Variants in CDH13 observed in about 807,000 individuals in gnomAD.
The protein encoded by CDH13 is cadherin-13.
A neutral mutation model predicts 63.8 loss-of-function variants in CDH13; 24 were observed. That is an observed-to-expected ratio of 0.38 (90% confidence interval 0.27 to 0.53). CDH13 has a LOEUF of 0.53. Ranked by LOEUF, CDH13 falls within the 20% of genes least tolerant of loss-of-function variation. CDH13 has a pLI of 0.85. For missense variants in CDH13, 1,049 were observed against 903.1 expected (o/e 1.16, Z -2.07); for synonymous variants, 503 against 355.3 (o/e 1.42, Z -4.67).
chr16:83,768,322 G>C (rs1289571771), intron 11 of CDH13, among the ~76,000 whole-genome samples: 2 of 152,038 alleles, frequency 1.3e-5, no homozygotes, highest in African/African-American at 4.8e-5. Context: ...TTTGGTCAAG[G>C]TTTTTCATGA....
At chr16:82,889,900 A>G (rs566374754) in intron 2 of CDH13, among the ~76,000 whole-genome samples, 1 of 152,338 alleles carries the variant, frequency 6.6e-6, no homozygotes, top group African/African-American at 2.4e-5. Flanking sequence ...TCAAGAGAGT[A>G]TAGACTCTTC....
At position 83,791,578 on chromosome 16, in the gene CDH13, CGA is replaced by C. The variant is rs1916266568; in HGVS notation, c.2135-3443_2135-3442del. Among the ~76,000 whole-genome samples the C allele has an allele frequency of 2.6e-5, 4 of 151,798 alleles. No homozygotes were observed. In the South Asian group the frequency reaches 8.3e-4, roughly 32 times the overall value. ...CTGTAATCCCAGCACTTTGGGAGGCCGAGGTGGGCGGATCACAAGGTCAGGAG... is the reference window on the plus strand; with the variant it reads ...CTGTAATCCCAGCACTTTGGGAGGCCGGTGGGCGGATCACAAGGTCAGGAG... On this transcript the variant is annotated intron_variant, in intron 13 of 13. Coordinates refer to ENST00000567109, the MANE Select transcript of CDH13 (RefSeq NM_001257.5).
intron 10 of CDH13, among the ~76,000 whole-genome samples, chr16:83,715,090 T>A (rs142473879): frequency 6.6e-6 from 1 of 152,256 alleles, no homozygotes; most frequent in East Asian, 1.9e-4. Context: ...TCTTCATTCG[T>A]TCATGCATGC....
intron 1 of CDH13, among the ~76,000 whole-genome samples, chr16:82,833,897 T>C (rs942680162): frequency 2.6e-5 from 4 of 152,198 alleles, no homozygotes; most frequent in Admixed American, 2.0e-4. Context: ...AGCAGATGCA[T>C]AATAATGCTA....
intron 2 of CDH13, among the ~76,000 whole-genome samples, chr16:82,993,632 A>G (rs1480485031): frequency 6.6e-6 from 1 of 152,200 alleles, no homozygotes; most frequent in Non-Finnish European, 1.5e-5. Flanking sequence ...GACATGTTAT[A>G]TCAGACTGTG....
intron 11 of CDH13, among the ~76,000 whole-genome samples, chr16:83,776,048 C>T (rs1375783388): frequency 6.6e-6 from 1 of 152,144 alleles, no homozygotes; most frequent in African/African-American, 2.4e-5. Context: ...GGCTCTTTCC[C>T]TCAGGATTTT....
At chr16:83,219,261 G>T (rs1236335883) in intron 5 of CDH13, among the ~76,000 whole-genome samples, 1 of 152,150 alleles carries the variant, frequency 6.6e-6, no homozygotes, top group African/African-American at 2.4e-5. Flanking sequence ...ACTAGTAATT[G>T]CTAAACAGCT....
chr16:82,647,841 G>C (rs1286285274), intron 1 of CDH13, among the ~76,000 whole-genome samples: 1 of 152,152 alleles, frequency 6.6e-6, no homozygotes, highest in Non-Finnish European at 1.5e-5. Context: ...GATATGGTTT[G>C]GCTGTGTCCC....
intron 8 of CDH13, among the ~76,000 whole-genome samples, chr16:83,605,136 AG>A (rs1369524054): frequency 3.3e-5 from 5 of 152,230 alleles, no homozygotes; most frequent in African/African-American, 1.2e-4. Flanking sequence ...TACCAGCAAA[AG>A]CACACACATT....
chr16:83,417,618 G>A (rs549919557), intron 6 of CDH13, among the ~76,000 whole-genome samples: 2 of 152,236 alleles, frequency 1.3e-5, no homozygotes, highest in African/African-American at 2.4e-5. Context: ...CACTTCAGCA[G>A]GCAAGACAAA....
At chr16:82,850,404 C>G (rs946078315) in intron 1 of CDH13, among the ~76,000 whole-genome samples, 1 of 152,138 alleles carries the variant, frequency 6.6e-6, no homozygotes, top group African/African-American at 2.4e-5. Context: ...TTGCTGCAAG[C>G]TCATGATAAA....
At chr16:83,291,702 G>T (rs1375575491) in intron 5 of CDH13, among the ~76,000 whole-genome samples, 1 of 152,078 alleles carries the variant, frequency 6.6e-6, no homozygotes, top group Non-Finnish European at 1.5e-5. Flanking sequence ...AAAACCGGTG[G>T]AGATTAGAGC....
intron 7 of CDH13, among the ~76,000 whole-genome samples, chr16:83,495,881 C>T (rs554480266): frequency 3.0e-4 from 45 of 152,084 alleles, no homozygotes; most frequent in African/African-American, 1.0e-3. Context: ...AAACAGAGAG[C>T]CAAATCATGA....
chr16:83,549,037 T>A (rs1439091905), intron 7 of CDH13, among the ~76,000 whole-genome samples: 1 of 152,210 alleles, frequency 6.6e-6, no homozygotes, highest in African/African-American at 2.4e-5. Flanking sequence ...GCTGTGTGCT[T>A]GTCAGTGCTC....
chr16:83,731,331 T>A (rs1251002790), intron 10 of CDH13, among the ~76,000 whole-genome samples: 1 of 151,728 alleles, frequency 6.6e-6, no homozygotes, highest in Non-Finnish European at 1.5e-5. Context: ...CATCTGTCAT[T>A]TTTTGACTTT....
chr16:82,701,744 A>G (rs975453977), intron 1 of CDH13, among the ~76,000 whole-genome samples: 10 of 152,196 alleles, frequency 6.6e-5, no homozygotes, highest in African/African-American at 2.4e-4. Flanking sequence ...AACACTTTCC[A>G]TACAAATCTT....
intron 11 of CDH13, among the ~76,000 whole-genome samples, chr16:83,763,275 A>T (rs1567580006): frequency 2.0e-5 from 3 of 152,220 alleles, no homozygotes. Flanking sequence ...GAATAGACTA[A>T]GATAATGATT....
intron 4 of CDH13, among the ~76,000 whole-genome samples, chr16:83,205,239 C>T (rs952455227): frequency 6.6e-6 from 1 of 152,170 alleles, no homozygotes; most frequent in Non-Finnish European, 1.5e-5. Context: ...GAGTGAAACA[C>T]ACAGCATGCA....
intron 5 of CDH13, among the ~76,000 whole-genome samples, chr16:83,219,391 A>T (rs919993721): frequency 6.6e-6 from 1 of 152,300 alleles, no homozygotes; most frequent in South Asian, 2.1e-4. Flanking sequence ...GCTGCATTCA[A>T]ATCATGGCTA....
Sources: allele counts gnomAD v4.1 joint callset (sites outside exome capture counted in the v4.1 genomes callset), GRCh38; gene constraint gnomAD v4.1.1; transcripts MANE v1.5; gene names NCBI Gene and HGNC (gene_info 2026-07-23, HGNC 2026-07-21).